Variants in CAMTA1 observed in about 807,000 individuals in gnomAD.
The protein encoded by CAMTA1 is calmodulin-binding transcription activator 1.
CAMTA1 carries 27 observed loss-of-function variants against 170.9 expected under a neutral mutation model. The ratio of observed to expected loss-of-function variants is 0.16; its 90% CI spans 0.12 to 0.22. The LOEUF (loss-of-function observed/expected upper bound fraction) is 0.22. Ranked by LOEUF, CAMTA1 falls within the 10% of genes least tolerant of loss-of-function variation. CAMTA1 has a pLI of 1.00. For synonymous variants in CAMTA1, 833 were observed against 891.5 expected (o/e 0.93, Z 1.17); for missense variants, 1,619 against 2,217.2 (o/e 0.73, Z 5.42).
At chr1:7,015,970 A>G (rs1700472263) in intron 3 of CAMTA1, among the ~76,000 whole-genome samples, 2 of 152,242 alleles carry the variant, frequency 1.3e-5, no homozygotes, top group African/African-American at 2.4e-5. Context: ...ACTCACTATC[A>G]TGAGAACAGC....
At chr1:6,911,818 G>A (rs555794016) in intron 3 of CAMTA1, among the ~76,000 whole-genome samples, 6 of 152,328 alleles carry the variant, frequency 3.9e-5, no homozygotes, top group African/African-American at 1.2e-4. Context: ...CTCGCTTGCT[G>A]TCTGCGGGCT....
intron 6 of CAMTA1, among the ~76,000 whole-genome samples, chr1:7,488,611 A>AACACAT (rs373522945): frequency 6.6e-6 from 1 of 152,196 alleles, no homozygotes; most frequent in Non-Finnish European, 1.5e-5. Context: ...TGATACATGT[A>AACACAT]ACACATACAC....
intron 4 of CAMTA1, among the ~76,000 whole-genome samples, chr1:7,099,203 A>C (rs956883015): frequency 1.3e-5 from 2 of 152,044 alleles, no homozygotes; most frequent in African/African-American, 4.8e-5. Context: ...GGTGCCTGCC[A>C]CCACTCCTGG....
At chr1:7,647,278 A>AG (rs34963142) in intron 7 of CAMTA1, among the ~76,000 whole-genome samples, 81,420 of 145,478 alleles carry the variant, frequency 0.56, 22,858 homozygotes, top group Non-Finnish European at 0.63. Flanking sequence ...AAGATCCAGA[A>AG]GGGGGGGGGG....
At chr1:6,963,178 C>T (rs1221929941) in intron 3 of CAMTA1, among the ~76,000 whole-genome samples, 2 of 150,374 alleles carry the variant, frequency 1.3e-5, no homozygotes, top group African/African-American at 2.4e-5. Context: ...CAGCCTCCAT[C>T]TCTTTTGGCT....
intron 3 of CAMTA1, chr1:6,886,303 GCTGT>G (rs757615544): frequency 8.8e-6 from 4 of 454,776 alleles, no homozygotes; most frequent in African/African-American, 4.0e-5. Flanking sequence ...GTCAGAAGCT[GCTGT>G]CTGATTCCAG....
At chr1:7,353,392 T>A (rs77638308) in intron 5 of CAMTA1, among the ~76,000 whole-genome samples, 3,211 of 150,848 alleles carry the variant, frequency 0.021, 107 homozygotes, top group African/African-American at 0.073. Flanking sequence ...CCAAACTTAA[T>A]ACAACCAAAT....
intron 4 of CAMTA1, among the ~76,000 whole-genome samples, chr1:7,181,181 G>GA: frequency 6.6e-6 from 1 of 152,212 alleles, no homozygotes; most frequent in South Asian, 2.1e-4. Flanking sequence ...AAAACCCTTT[G>GA]AAAAAATTCA....
At chr1:7,564,870 A>T (rs2095018405) in intron 6 of CAMTA1, among the ~76,000 whole-genome samples, 1 of 151,996 alleles carries the variant, frequency 6.6e-6, no homozygotes, top group Non-Finnish European at 1.5e-5. Context: ...CAAAGAGACA[A>T]TGAACAAAAA....
At chr1:6,796,910 T>C (rs74354726) in intron 1 of CAMTA1, among the ~76,000 whole-genome samples, 1 of 152,332 alleles carries the variant, frequency 6.6e-6, no homozygotes, top group East Asian at 1.9e-4. Context: ...TTCTCTACTT[T>C]CGTGGGGGAT....
chr1:6,789,515 A>G (rs886110125), intron 1 of CAMTA1, among the ~76,000 whole-genome samples: 1 of 152,118 alleles, frequency 6.6e-6, no homozygotes, highest in African/African-American at 2.4e-5. Flanking sequence ...CTTTGTGTGC[A>G]GTTGTACTTC....
intron 11 of CAMTA1, among the ~76,000 whole-genome samples, chr1:7,715,432 C>CTTTT (rs34965685): frequency 7.0e-5 from 10 of 142,270 alleles, no homozygotes; most frequent in Non-Finnish European, 7.6e-5. Context: ...TAGCCACACA[C>CTTTT]TTTTTTTTTT....
chr1:7,499,068 T>C lies in CAMTA1; in HGVS notation c.510+31167T>C, dbSNP rs199950455. Among the ~76,000 whole-genome samples, 33 of 142,514 alleles carry C rather than the reference T, an allele frequency of 2.3e-4. 1 individual carries two copies. Among genetic ancestry groups the C allele is most frequent in the African/African-American group, 5.0e-4 (19 of 37,706 alleles). The allele number at this position is 142,514 out of a possible 152,430, so 93.5% of individuals were successfully genotyped here. ...TGTGTGAGCCTGGTGTGCGTGTGTA[T>C]GTATATGAGTGTGTGTGTGCATGTG... On this transcript the variant is annotated intron_variant, in intron 6 of 22. Coordinates refer to ENST00000303635, the MANE Select transcript of CAMTA1 (RefSeq NM_015215.4).
intron 6 of CAMTA1, among the ~76,000 whole-genome samples, chr1:7,480,636 A>G (rs1262775809): frequency 1.3e-5 from 2 of 151,774 alleles, no homozygotes; most frequent in Admixed American, 6.6e-5. Flanking sequence ...CTCCTTATGA[A>G]CGCTCCCTGC....
At chr1:6,914,041 A>T (rs1680250075) in intron 3 of CAMTA1, among the ~76,000 whole-genome samples, 1 of 150,738 alleles carries the variant, frequency 6.6e-6, no homozygotes, top group Non-Finnish European at 1.5e-5. Context: ...TTCTAAGATG[A>T]TCCATTTGAG....
rs1284525055 is a variant in CAMTA1 at position 7,371,094 on chromosome 1, G to A, written c.439-96736G>A. On this transcript the variant is annotated intron_variant, in intron 5 of 22. Transcript: ENST00000303635. ...GCGCAGGTAATTTTTTGTATTTTTA[G>A]TAGAGACAGGGTTTCACCGTGTTAT... Among the ~76,000 whole-genome samples, 39 of 151,306 alleles carry A rather than the reference G, an allele frequency of 2.6e-4. 2 individuals are homozygous for A. Among genetic ancestry groups the A allele is most frequent in the Admixed American group, 2.4e-3 (37 of 15,178 alleles).
rs1288226392 is a variant in CAMTA1, at chr1:7,561,003, G to GGACA, written c.511-79395_511-79392dup. Among the ~76,000 whole-genome samples the GGACA allele has an allele frequency of 6.6e-6, 1 of 152,140 alleles. No individual in the cohort carries two copies. Among genetic ancestry groups the GGACA allele is most frequent in the East Asian group, 1.9e-4 (1 of 5,178 alleles). ...TGGGGGTGACTCGTATGACTGTGAA[G>GGACA]GACAGGCTGGGACCTAGAAGCCCTG... On this transcript the variant is annotated intron_variant, in intron 6 of 22. Transcript: ENST00000303635. The surrounding 1 kb of genome is among the most constrained non-coding windows in gnomAD (Gnocchi z 5.3).
intron 3 of CAMTA1, among the ~76,000 whole-genome samples, chr1:6,907,401 T>C (rs886451613): frequency 2.0e-5 from 3 of 152,096 alleles, no homozygotes; most frequent in Non-Finnish European, 4.4e-5. Flanking sequence ...CCCGTGTTTC[T>C]ACGCAGGGTG....
Position 6,825,193 on chromosome 1 carries a change from C to T in CAMTA1, c.217C>T (p.Arg73Cys), listed in dbSNP as rs1064796110. 6.3e-7 allele frequency: 1 copy of T among 1,596,686 alleles called. No homozygotes were observed. Among genetic ancestry groups the T allele is most frequent in the Non-Finnish European group, 8.5e-7 (1 of 1,170,368 alleles). Residue 73 changes from arginine to cysteine, a missense_variant, in exon 3 of 23, where the codon CGC becomes TGC. Transcript: ENST00000303635. ...TTCAAGTTTACCAAAAGAGAGGCAC[C>T]GCTGGAACACTAATGAGGTAGATAA... is the stretch of plus-strand genomic sequence containing the variant. ...KCSSLPKERHRWNTNEEIAAY... is the reference protein window; with the variant it reads ...KCSSLPKERHCWNTNEEIAAY...
Sources: gnomAD v4.1 joint callset for allele counts (sites outside exome capture counted in the v4.1 genomes callset) on GRCh38, gnomAD v4.1.1 for gene constraint, Gnocchi (gnomAD v3.1) non-coding constraint, MANE v1.5 for transcripts, NCBI Gene and HGNC (gene_info 2026-07-23, HGNC 2026-07-21) for gene names.